The following NRCAM variants were observed in gnomAD, a reference collection of about 807,000 sequenced individuals.
The protein encoded by NRCAM is neuronal cell adhesion molecule.
Under a neutral mutation model 156.5 loss-of-function variants are expected in NRCAM, and 83 were observed. The observed-to-expected ratio is 0.53, with a 90% confidence interval of 0.44 to 0.64. NRCAM has a LOEUF of 0.64. NRCAM is among the 30% of genes least tolerant of loss of function. The pLI is 0.00. For missense variants in NRCAM, 1,417 were observed against 1,597.3 expected (o/e 0.89, Z 1.92); for synonymous variants, 538 against 563.9 (o/e 0.95, Z 0.65).
intron 1 of NRCAM, among the ~76,000 whole-genome samples, chr7:108,422,963 A>C (rs570023161): frequency 6.6e-6 from 1 of 152,182 alleles, no homozygotes; most frequent in South Asian, 2.1e-4. Flanking sequence ...AGAAGGGGCC[A>C]CTGCACAGGC....
intron 2 of NRCAM, among the ~76,000 whole-genome samples, chr7:108,354,287 T>G (rs2099461529): frequency 6.6e-6 from 1 of 152,228 alleles, no homozygotes; most frequent in South Asian, 2.1e-4. Context: ...CATTAAATAC[T>G]CATTCGAAGT....
intron 3 of NRCAM, among the ~76,000 whole-genome samples, chr7:108,311,649 T>C (rs537366863): frequency 2.4e-4 from 37 of 152,346 alleles, no homozygotes; most frequent in Non-Finnish European, 4.9e-4. Context: ...TGATGGTATT[T>C]TGAAACACTG....
chr7:108,225,714 G>A lies in NRCAM; in HGVS notation c.722-13C>T. ...TTCAATTCATCCACTGAAATAAACA[G>A]AATATTATGAAGAGGGCATAAAAGT... is the stretch of plus-strand genomic sequence containing the variant. On this transcript the variant is annotated splice_polypyrimidine_tract_variant and intron_variant, in intron 9 of 32. Transcript: ENST00000379028. 1.3e-6 allele frequency: 2 copies of A among 1,555,854 alleles called. No homozygotes were observed. The highest frequency in any genetic ancestry group is 1.1e-5 in the South Asian group (1 of 89,790).
At chr7:108,454,243 C>T (rs1853874785) in intron 1 of NRCAM, among the ~76,000 whole-genome samples, 1 of 152,192 alleles carries the variant, frequency 6.6e-6, no homozygotes, top group South Asian at 2.1e-4. Flanking sequence ...GTGAGTTCTG[C>T]AGAGCTCCGA....
At position 108,149,184 on chromosome 7, in the gene NRCAM, A is replaced by T. The variant is rs1278087684; in HGVS notation, c.*726T>A. ...CACAAATGCCGAAATGCACTGCAATACACATTGTTTATGCCTAAAAACAAC... is the reference window on the plus strand; with the variant it reads ...CACAAATGCCGAAATGCACTGCAATTCACATTGTTTATGCCTAAAAACAAC... On this transcript the variant is annotated 3_prime_UTR_variant, in exon 33 of 33. Transcript: ENST00000379028. The T allele has an allele frequency of 6.6e-6, 1 of 152,666 alleles. No homozygotes were observed. Among genetic ancestry groups the T allele is most frequent in the Admixed American group, 6.5e-5 (1 of 15,278 alleles). The allele number at this position is 152,666 out of a possible 1,614,324, so 9.5% of individuals were successfully genotyped here.
At chr7:108,222,237 A>G (rs1278760731) in intron 11 of NRCAM, among the ~76,000 whole-genome samples, 1 of 152,128 alleles carries the variant, frequency 6.6e-6, no homozygotes, top group Non-Finnish European at 1.5e-5. Context: ...AAAGCCATGA[A>G]TTGTTTTGGA....
chr7:108,324,877 C>CATTT lies in NRCAM; in HGVS notation c.-173-12147_-173-12146insAAAT, dbSNP rs201240389. ...TGTTTGTGTAATATTTGGCACTGTA[C>CATTT]TTTTTTTTTTTTTTTTTTTTTTTTT... On this transcript the variant is annotated intron_variant, in intron 2 of 32. Coordinates refer to ENST00000379028, the MANE Select transcript of NRCAM (RefSeq NM_001037132.4). 1.1e-3 allele frequency among the ~76,000 whole-genome samples: 93 copies of CATTT among 82,684 alleles called. 5 individuals are homozygous for CATTT. The highest frequency in any genetic ancestry group is 1.8e-3 in the East Asian group (6 of 3,348). 54.2% of individuals were successfully genotyped at this position (82,684 alleles called of 152,430 possible).
At chr7:108,194,488 TA>T in intron 15 of NRCAM, 60 bp from the exon 16 acceptor site, 2 of 1,184,970 alleles carry the variant, frequency 1.7e-6, no homozygotes, top group Non-Finnish European at 2.4e-6. Flanking sequence ...AAGTCAGACA[TA>T]AAATGCCATG....
In NRCAM at chr7:108,154,400, T is replaced by C. The variant is rs144001052; in HGVS notation, c.3678-4253A>G. Among the ~76,000 whole-genome samples the C allele has an allele frequency of 6.9e-3, 1,048 of 152,296 alleles. 16 individuals are homozygous for C. Among genetic ancestry groups the C allele is most frequent in the African/African-American group, 0.019 (781 of 41,568 alleles). On this transcript the variant is annotated intron_variant, in intron 32 of 32. Coordinates refer to ENST00000379028, the MANE Select transcript of NRCAM (RefSeq NM_001037132.4). ...TATGTTAATTTTGTGTCGAGCAACA[T>C]TACTAAACTCTCTTATTATAATATT...
intron 15 of NRCAM, 101 bp downstream of exon 15, chr7:108,195,660 C>G: frequency 1.5e-6 from 1 of 658,658 alleles, no homozygotes; most frequent in Non-Finnish European, 2.7e-6. Context: ...TTGTGTGGTG[C>G]CTTTCCCTGT....
intron 2 of NRCAM, among the ~76,000 whole-genome samples, chr7:108,359,252 T>C (rs2099531616): frequency 1.3e-5 from 2 of 152,222 alleles, no homozygotes; most frequent in Non-Finnish European, 2.9e-5. Context: ...GCCTTTAATG[T>C]AACCGAAGTG....
At chr7:108,455,013 G>A (rs1463462387) in intron 1 of NRCAM, among the ~76,000 whole-genome samples, 2 of 152,106 alleles carry the variant, frequency 1.3e-5, no homozygotes, top group Non-Finnish European at 1.5e-5. Context: ...CCGCGGCGCA[G>A]GGGCCACCCG....
At chr7:108,365,823 AT>A (rs145209090) in intron 2 of NRCAM, among the ~76,000 whole-genome samples, 18,660 of 152,018 alleles carry the variant, frequency 0.12, 1,642 homozygotes, top group African/African-American at 0.25. Context: ...TATTTGTGGG[AT>A]TTTTTTGGGG....
chr7:108,273,972 T>C (rs2097485373), intron 3 of NRCAM, among the ~76,000 whole-genome samples: 2 of 152,250 alleles, frequency 1.3e-5, no homozygotes, highest in Non-Finnish European at 2.9e-5. Flanking sequence ...CTAGCCAGTT[T>C]GCCCAGCACC....
intron 2 of NRCAM, among the ~76,000 whole-genome samples, chr7:108,329,939 G>C (rs2099109931): frequency 6.6e-6 from 1 of 152,144 alleles, no homozygotes; most frequent in Non-Finnish European, 1.5e-5. Flanking sequence ...AAGAAATAGG[G>C]AGGAAAGCCT....
At chr7:108,200,796 T>G (rs977832936) in intron 13 of NRCAM, among the ~76,000 whole-genome samples, 4 of 142,670 alleles carry the variant, frequency 2.8e-5, no homozygotes, top group African/African-American at 1.0e-4. Flanking sequence ...TATGAAATAC[T>G]ACTCAGCCAT....
intron 2 of NRCAM, among the ~76,000 whole-genome samples, chr7:108,361,765 A>G (rs1371915774): frequency 2.0e-5 from 3 of 152,194 alleles, no homozygotes; most frequent in Admixed American, 6.5e-5. Flanking sequence ...TCTCTTTATT[A>G]TATATGTAAA....
chr7:108,178,195 G>C, intron 25 of NRCAM, 83 bp from the exon 26 acceptor site: 1 of 1,441,234 alleles, frequency 6.9e-7, no homozygotes, highest in Non-Finnish European at 9.4e-7. Context: ...GTGCTCGCAC[G>C]ATTCAAGGTT....
chr7:108,417,948 C>T (rs574884813), intron 1 of NRCAM, among the ~76,000 whole-genome samples: 1 of 152,182 alleles, frequency 6.6e-6, no homozygotes. Flanking sequence ...CAAACTGCAA[C>T]CTTTTAGCCA....
Sources: allele counts gnomAD v4.1 joint callset (sites outside exome capture counted in the v4.1 genomes callset), GRCh38; gene constraint gnomAD v4.1.1; transcripts MANE v1.5; gene names NCBI Gene and HGNC (gene_info 2026-07-23, HGNC 2026-07-21).